CDYL2: variants seen among roughly 807,000 people sequenced by gnomAD.
CDYL2 encodes chromodomain Y-like protein 2.
In CDYL2, 23 loss-of-function variants were observed where a neutral mutation model predicts 49.4. The ratio of observed to expected loss-of-function variants is 0.47; its 90% CI spans 0.34 to 0.66. The LOEUF (loss-of-function observed/expected upper bound fraction) is 0.66, where lower values mean the gene tolerates loss of function less well. Ranked by LOEUF, CDYL2 falls within the 30% of genes least tolerant of loss-of-function variation. The pLI is 0.01. For synonymous variants in CDYL2, 360 were observed against 268.8 expected (o/e 1.34, Z -3.32); for missense variants, 678 against 656.4 (o/e 1.03, Z -0.36).
At chr16:80,774,776 C>T (rs1028388491) in intron 1 of CDYL2, among the ~76,000 whole-genome samples, 6 of 151,538 alleles carry the variant, frequency 4.0e-5, no homozygotes, top group Non-Finnish European at 4.4e-5. Context: ...ACACAGTATA[C>T]TCAAGGTCAA....
chr16:80,665,325 C>T (rs1909215584), intron 2 of CDYL2, among the ~76,000 whole-genome samples: 1 of 151,938 alleles, frequency 6.6e-6, no homozygotes, highest in Middle Eastern at 3.2e-3. Context: ...GCTCACAGTT[C>T]ACTGGAATAT....
At chr16:80,667,233 C>T (rs1909304590) in intron 2 of CDYL2, among the ~76,000 whole-genome samples, 1 of 152,122 alleles carries the variant, frequency 6.6e-6, no homozygotes, top group South Asian at 2.1e-4. Flanking sequence ...GGTGGGCTTC[C>T]ATCTATCTGG....
At chr16:80,697,134 G>A (rs940501895) in intron 1 of CDYL2, among the ~76,000 whole-genome samples, 8 of 152,208 alleles carry the variant, frequency 5.3e-5, no homozygotes, top group Admixed American at 3.9e-4. Flanking sequence ...GAAAACTACC[G>A]GCCAACATCC....
chr16:80,615,277 T>G (rs977710981), intron 4 of CDYL2, among the ~76,000 whole-genome samples: 10 of 152,148 alleles, frequency 6.6e-5, no homozygotes, highest in Admixed American at 2.0e-4. Flanking sequence ...TGCAAGTGCT[T>G]TTCACTGAAA....
chr16:80,695,536 T>C (rs578003016), intron 1 of CDYL2, among the ~76,000 whole-genome samples: 5 of 152,046 alleles, frequency 3.3e-5, no homozygotes, highest in Non-Finnish European at 5.9e-5. Context: ...CACAAACAGA[T>C]TGAAAGTGAA....
In CDYL2 at chr16:80,684,570, A is replaced by C; in HGVS notation, c.584T>G (p.Val195Gly). Residue 195 changes from valine to glycine, a missense_variant, in exon 2 of 7, where the codon GTG becomes GGG. This residue lies in a region of CDYL2 where 478 missense variants were observed against 427.0 expected (regional missense o/e 1.12). Transcript: ENST00000570137. ...GTTCTCCGCCAGTGTAGCGTGATTC[A>C]CGTCACATTCACCCATATCTTGCTC... Reference protein sequence around the residue: ...VGEQDMGECDVNHATLAENGL... With the variant: ...VGEQDMGECDGNHATLAENGL... 1.9e-6 allele frequency: 3 copies of C among 1,614,056 alleles called. No individual in the cohort carries two copies. The highest frequency in any genetic ancestry group is 2.5e-6 in the Non-Finnish European group (3 of 1,179,934).
At chr16:80,740,482 AT>A (rs1170813949) in intron 1 of CDYL2, among the ~76,000 whole-genome samples, 2 of 152,242 alleles carry the variant, frequency 1.3e-5, no homozygotes, top group African/African-American at 4.8e-5. Context: ...CAAGCCTGAC[AT>A]TCAAAACCAT....
rs138702974 is a variant in CDYL2, at chr16:80,650,545, T to C, written c.617-17309A>G. Among the ~76,000 whole-genome samples, 1,261 of 152,304 alleles carry C rather than the reference T, an allele frequency of 8.3e-3. 15 individuals carry two copies. Among genetic ancestry groups the C allele is most frequent in the African/African-American group, 0.028 (1,180 of 41,556 alleles). ...GGAATGTAAATTAGTACAACCACTA[T>C]GCAAAACAGTTGGATGGTTCCTCAA... is the stretch of plus-strand genomic sequence containing the variant. On this transcript the variant is annotated intron_variant, in intron 2 of 6. Transcript: ENST00000570137.
chr16:80,627,116 C>T, intron 3 of CDYL2, among the ~76,000 whole-genome samples: 1 of 152,140 alleles, frequency 6.6e-6, no homozygotes, highest in Non-Finnish European at 1.5e-5. Flanking sequence ...AGCCCTGTGC[C>T]CTGCTGGAAG....
At position 80,729,571 on chromosome 16, in the gene CDYL2, G is replaced by T. The variant is rs376038902; in HGVS notation, c.25-44442C>A. ...ACAGAAAGTCAACAAGGATACCCAG[G>T]AATTGAACTCAGCTCTGCACCAAGC... On this transcript the variant is annotated intron_variant, in intron 1 of 6. Transcript: ENST00000570137. Among the ~76,000 whole-genome samples, 17 of 151,922 alleles carry T rather than the reference G, an allele frequency of 1.1e-4. No individual in the cohort carries two copies. In the East Asian group the frequency reaches 1.7e-3, roughly 16 times the overall value.
Position 80,612,590 on chromosome 16 carries a change from G to A in CDYL2, c.1218+36C>T, listed in dbSNP as rs775548644. 1 of 1,562,318 alleles carries A rather than the reference G, an allele frequency of 6.4e-7. No individual in the cohort carries two copies. The highest frequency in any genetic ancestry group is 8.7e-7 in the Non-Finnish European group (1 of 1,152,138). On this transcript the variant is annotated intron_variant, in intron 5 of 6. Coordinates refer to ENST00000570137, the MANE Select transcript of CDYL2 (RefSeq NM_152342.4). This position sits in a 1 kb window ranked among gnomAD's most constrained non-coding sequence, Gnocchi z 5.0. ...AAACCCAAGGCAGAGGAAGGATCCT[G>A]CTGGGACCCGAATCCAGGTATCACA... is the stretch of plus-strand genomic sequence containing the variant.
At chr16:80,746,046 C>T (rs1905918513) in intron 1 of CDYL2, among the ~76,000 whole-genome samples, 2 of 152,322 alleles carry the variant, frequency 1.3e-5, no homozygotes, top group Admixed American at 6.5e-5. Context: ...CACACAGGTC[C>T]TTGGAATGTA....
At chr16:80,631,865 C>G (rs66475129) in intron 3 of CDYL2, among the ~76,000 whole-genome samples, 18,279 of 152,124 alleles carry the variant, frequency 0.12, 1,396 homozygotes, top group Middle Eastern at 0.17. Flanking sequence ...ACTAGTATTG[C>G]TATAATAAAA....
intron 1 of CDYL2, among the ~76,000 whole-genome samples, chr16:80,737,475 C>G (rs115720410): frequency 6.6e-6 from 1 of 152,148 alleles, no homozygotes; most frequent in Non-Finnish European, 1.5e-5. Context: ...AATTGCAGAG[C>G]GTGAGCTCTT....
At chr16:80,650,480 G>C (rs4889188) in intron 2 of CDYL2, among the ~76,000 whole-genome samples, 68,675 of 151,972 alleles carry the variant, frequency 0.45, 16,370 homozygotes, top group East Asian at 0.6. Flanking sequence ...AAATGCAGGA[G>C]AGGATGTGGA....
chr16:80,640,554 C>T (rs9928723), intron 2 of CDYL2, among the ~76,000 whole-genome samples: 9,021 of 152,054 alleles, frequency 0.059, 838 homozygotes, highest in African/African-American at 0.2. Context: ...CAGACACAAA[C>T]ATCTACAAGA....
At chr16:80,800,738 T>A (rs761542167) in intron 1 of CDYL2, among the ~76,000 whole-genome samples, 1 of 152,098 alleles carries the variant, frequency 6.6e-6, no homozygotes, top group Non-Finnish European at 1.5e-5. Flanking sequence ...GGGTACTTTA[T>A]ATACTTAAAC....
At chr16:80,664,696 G>A (rs758099335) in intron 2 of CDYL2, among the ~76,000 whole-genome samples, 1 of 152,128 alleles carries the variant, frequency 6.6e-6, no homozygotes, top group Non-Finnish European at 1.5e-5. Context: ...CCCTCAAGAA[G>A]CAGAAAAGGA....
At chr16:80,605,254 T>C (rs1253005730) in intron 6 of CDYL2, among the ~76,000 whole-genome samples, 7 of 150,678 alleles carry the variant, frequency 4.6e-5, no homozygotes, top group Non-Finnish European at 8.9e-5. Context: ...ATTACGTATA[T>C]ACACATATTA....
Sources: allele counts gnomAD v4.1 joint callset (sites outside exome capture counted in the v4.1 genomes callset), GRCh38; gene constraint gnomAD v4.1.1; regional missense constraint gnomAD v4.1.1; non-coding constraint Gnocchi (gnomAD v3.1); transcripts MANE v1.5; gene names NCBI Gene and HGNC (gene_info 2026-07-23, HGNC 2026-07-21).